Variants in SLC6A11 observed in about 807,000 individuals in gnomAD.
The protein encoded by SLC6A11 is sodium- and chloride-dependent GABA transporter 3.
In SLC6A11, 25 loss-of-function variants were observed where a neutral mutation model predicts 74.8. The ratio of observed to expected loss-of-function variants is 0.33; its 90% confidence interval spans 0.24 to 0.47. The LOEUF (loss-of-function observed/expected upper bound fraction) is 0.47. SLC6A11 is among the 20% of genes least tolerant of loss of function. SLC6A11 has a pLI of 1.00. For missense variants in SLC6A11, 574 were observed against 837.0 expected (o/e 0.69, Z 3.88); for synonymous variants, 330 against 330.2 (o/e 1.00, Z 0.01).
chr3:10,886,605 C>T (rs151136624), intron 6 of SLC6A11, among the ~76,000 whole-genome samples: 2 of 152,176 alleles, frequency 1.3e-5, no homozygotes, highest in Non-Finnish European at 1.5e-5. Context: ...TCAGGAATTC[C>T]GGACCAGCCT....
intron 5 of SLC6A11, among the ~76,000 whole-genome samples, chr3:10,846,265 TCCCTAC>T (rs1431773368): frequency 6.6e-6 from 1 of 152,194 alleles, no homozygotes; most frequent in Non-Finnish European, 1.5e-5. Context: ...CACAGCCTCT[TCCCTAC>T]CCAGACAATA....
chr3:10,853,906 C>T (rs1337906332), intron 5 of SLC6A11, among the ~76,000 whole-genome samples: 2 of 152,308 alleles, frequency 1.3e-5, no homozygotes, highest in African/African-American at 4.8e-5. Flanking sequence ...TGGATGGTAG[C>T]ACCAGTGGGC....
At chr3:10,888,892 A>G (rs1268776727) in intron 6 of SLC6A11, among the ~76,000 whole-genome samples, 1 of 152,204 alleles carries the variant, frequency 6.6e-6, no homozygotes, top group African/African-American at 2.4e-5. Flanking sequence ...TGCTTTTTAA[A>G]TTAATCAGGA....
intron 6 of SLC6A11, among the ~76,000 whole-genome samples, chr3:10,887,113 A>C (rs1280151670): frequency 6.6e-6 from 1 of 151,986 alleles, no homozygotes; most frequent in Non-Finnish European, 1.5e-5. Context: ...GGATGGATGG[A>C]TGGATGGAAG....
intron 6 of SLC6A11, among the ~76,000 whole-genome samples, chr3:10,886,727 A>T (rs1695046609): frequency 6.6e-6 from 1 of 151,960 alleles, no homozygotes; most frequent in Non-Finnish European, 1.5e-5. Flanking sequence ...GAATTGCTTA[A>T]ACCAGGGAGG....
At chr3:10,925,896 G>T in intron 8 of SLC6A11, 108 bp from the exon 9 acceptor site, 3 of 686,394 alleles carry the variant, frequency 4.4e-6, no homozygotes, top group South Asian at 1.8e-5. Flanking sequence ...TGAGAGGCAG[G>T]CACAGTGCCT....
chr3:10,938,423 G>A lies in SLC6A11; in HGVS notation c.*21G>A, dbSNP rs1695784122. ...TCTGAGCGGCCACCAGCCATCTGGG[G>A]CTCTTCTTCCTTTCTTCCCCCCGTG... On this transcript the variant is annotated 3_prime_UTR_variant, in exon 14 of 14. Transcript: ENST00000254488. The A allele has an allele frequency of 6.4e-7, 1 of 1,569,414 alleles. No individual in the cohort carries two copies. The highest frequency in any genetic ancestry group is 8.7e-7 in the Non-Finnish European group (1 of 1,150,210).
At position 10,938,411 on chromosome 3, in the gene SLC6A11, C is replaced by A; in HGVS notation, c.*9C>A. On this transcript the variant is annotated 3_prime_UTR_variant, in exon 14 of 14. Coordinates refer to ENST00000254488, the MANE Select transcript of SLC6A11 (RefSeq NM_014229.3). The stretch of plus-strand genomic sequence containing the variant: ...AGGAGACGCACTTCTGAGCGGCCAC[C>A]AGCCATCTGGGGCTCTTCTTCCTTT... The A allele has an allele frequency of 6.3e-7, 1 of 1,584,752 alleles. No individual in the cohort carries two copies. The highest frequency in any genetic ancestry group is 8.6e-7 in the Non-Finnish European group (1 of 1,158,696).
intron 6 of SLC6A11, among the ~76,000 whole-genome samples, chr3:10,886,712 C>T (rs1222052376): frequency 1.3e-5 from 2 of 151,798 alleles, no homozygotes; most frequent in African/African-American, 2.4e-5. Flanking sequence ...GAGGATGAAA[C>T]CGGAGAATTG....
At position 10,816,358 on chromosome 3, in the gene SLC6A11, G is replaced by A; in HGVS notation, c.93G>A (p.Gly31=). ...CGCCGGGTGGCGGCTGCAGCAGCGG[G>A]GGCGCGGCGCCCGCGCGCCACCCGC... ...SEAPGGGCSS[G]GAAPARHPRV... The change falls in exon 1 of 14, where the codon GGG becomes GGA. Residue 31 remains glycine, a synonymous_variant. Coordinates refer to ENST00000254488, the MANE Select transcript of SLC6A11 (RefSeq NM_014229.3). This position sits in a 1 kb window ranked among gnomAD's most constrained non-coding sequence, Gnocchi z 4.2. 1 of 1,461,034 alleles carries A rather than the reference G, an allele frequency of 6.8e-7. No individual in the cohort carries two copies. The highest frequency in any genetic ancestry group is 3.0e-5 in the East Asian group (1 of 33,806). 90.5% of individuals were successfully genotyped at this position (1,461,034 alleles called of 1,614,324 possible). A position where few individuals can be genotyped will look rare whatever the true frequency, so the allele number is the denominator to read the frequency against.
At chr3:10,817,713 G>A (rs1694081605) in intron 1 of SLC6A11, among the ~76,000 whole-genome samples, 1 of 152,186 alleles carries the variant, frequency 6.6e-6, no homozygotes, top group Non-Finnish European at 1.5e-5. Flanking sequence ...GGTACTGCTT[G>A]GCCCAGGCCC....
intron 5 of SLC6A11, among the ~76,000 whole-genome samples, chr3:10,849,185 T>C (rs1197920639): frequency 6.6e-6 from 1 of 152,212 alleles, no homozygotes; most frequent in African/African-American, 2.4e-5. Context: ...CTTTCTCAAT[T>C]GTATATTAAG....
At chr3:10,899,850 A>G (rs902658937) in intron 6 of SLC6A11, among the ~76,000 whole-genome samples, 1 of 152,200 alleles carries the variant, frequency 6.6e-6, no homozygotes, top group African/African-American at 2.4e-5. Flanking sequence ...CTGGGCTTTT[A>G]AAACTGCAAG....
chr3:10,933,120 C>T, intron 10 of SLC6A11, 31 bp from the exon 11 acceptor site: 1 of 1,520,038 alleles, frequency 6.6e-7, no homozygotes, highest in Non-Finnish European at 9.1e-7. Context: ...CCGTTCACCT[C>T]CCATCCGTGT....
chr3:10,829,827 A>G (rs1009097696), intron 4 of SLC6A11, among the ~76,000 whole-genome samples: 1 of 152,184 alleles, frequency 6.6e-6, no homozygotes, highest in African/African-American at 2.4e-5. Context: ...GTCTATGTGG[A>G]TTCTTTTTAA....
At chr3:10,852,554 G>A (rs1484351539) in intron 5 of SLC6A11, among the ~76,000 whole-genome samples, 2 of 152,236 alleles carry the variant, frequency 1.3e-5, no homozygotes, top group Non-Finnish European at 1.5e-5. Context: ...CCCAGTGATT[G>A]CTGGGTGGGA....
At chr3:10,927,974 ATCACCTCGT>A (rs1194779674) in intron 9 of SLC6A11, among the ~76,000 whole-genome samples, 1 of 152,148 alleles carries the variant, frequency 6.6e-6, no homozygotes, top group Non-Finnish European at 1.5e-5. Context: ...CTGGAGCAAG[ATCACCTCGT>A]TCAAATCCAG....
At chr3:10,907,669 C>G (rs1695323257) in intron 6 of SLC6A11, among the ~76,000 whole-genome samples, 1 of 152,176 alleles carries the variant, frequency 6.6e-6, no homozygotes. Context: ...TATATTGGCA[C>G]CAGACCTTTC....
chr3:10,884,660 C>T (rs1242663807), intron 6 of SLC6A11, among the ~76,000 whole-genome samples: 13 of 152,142 alleles, frequency 8.5e-5, no homozygotes, highest in Admixed American at 5.9e-4. Context: ...GCTGGCATTC[C>T]GGCTCTGGAA....
Sources: gnomAD v4.1 joint callset for allele counts (sites outside exome capture counted in the v4.1 genomes callset) on GRCh38, gnomAD v4.1.1 for gene constraint, Gnocchi (gnomAD v3.1) non-coding constraint, MANE v1.5 for transcripts, NCBI Gene and HGNC (gene_info 2026-07-23, HGNC 2026-07-21) for gene names.